TCAF1: variants seen among roughly 807,000 people sequenced by gnomAD.
TCAF1 encodes the protein TRPM8 channel associated factor 1, also known as TRPM8 channel-associated factor 1.
A neutral mutation model predicts 27.3 loss-of-function variants in TCAF1; 4 were observed. The ratio of observed to expected loss-of-function variants is 0.15; its 90% confidence interval spans 0.07 to 0.34. The LOEUF is 0.34. Among genes scored for constraint, TCAF1 ranks in the 10% least tolerant of loss-of-function variants. The pLI, the probability that TCAF1 is intolerant of heterozygous loss-of-function variation, is 1.00. For missense variants in TCAF1, 257 were observed against 425.8 expected (o/e 0.60, Z 3.49); for synonymous variants, 105 against 167.1 (o/e 0.63, Z 2.87).
Position 143,876,045 on chromosome 7 carries a change from C to G in TCAF1, c.564G>C (p.Gly188=), listed in dbSNP as rs1393343580. The G allele has an allele frequency of 6.3e-7, 1 of 1,599,268 alleles. No homozygotes were observed. The highest frequency in any genetic ancestry group is 8.5e-7 in the Non-Finnish European group (1 of 1,171,970). ...VAGIYFTDNK[G]DTSFFKVSKK... Reference sequence around the variant, plus strand: ...TGGAGACTTTAAAGAAACTCGTGTCCCCTTTGTTGTCAGTAAAGTAAATGC... The same window carrying G: ...TGGAGACTTTAAAGAAACTCGTGTCGCCTTTGTTGTCAGTAAAGTAAATGC... The change falls in exon 2 of 9, where the codon GGG becomes GGC. Residue 188 remains glycine, a synonymous_variant. Coordinates refer to ENST00000479870, the MANE Select transcript of TCAF1 (RefSeq NM_014719.3).
intron 1 of TCAF1, among the ~76,000 whole-genome samples, chr7:143,879,035 C>T (rs1812871256): frequency 6.6e-6 from 1 of 152,194 alleles, no homozygotes; most frequent in Non-Finnish European, 1.5e-5. Flanking sequence ...GAGCTGGCTG[C>T]TCCCTGGCTT....
intron 1 of TCAF1, among the ~76,000 whole-genome samples, chr7:143,901,335 C>T (rs1814101224): frequency 6.6e-6 from 1 of 152,146 alleles, no homozygotes; most frequent in Non-Finnish European, 1.5e-5. Context: ...CATGATTATC[C>T]AATTGGCAAA....
chr7:143,876,857 G>GTT lies in TCAF1; in HGVS notation c.-14-236_-14-235insAA, dbSNP rs572485738. Reference sequence around the variant, plus strand: ...GAGAGCTTGATACTTTTCCATCACAGAAGGAAACAAACAGAATGAAAGAAT... The same window carrying GTT: ...GAGAGCTTGATACTTTTCCATCACAGTTAAGGAAACAAACAGAATGAAAGAAT... On this transcript the variant is annotated intron_variant, in intron 1 of 8. Transcript: ENST00000479870. 1.6e-4 allele frequency among the ~76,000 whole-genome samples: 25 copies of GTT among 152,230 alleles called. No individual in the cohort carries two copies. In the East Asian group the frequency reaches 4.8e-3, roughly 29 times the overall value.
rs2116654332 is a variant in TCAF1, at chr7:143,851,685, C to G, written c.*2448G>C. ...ACTATCGCCACTTTCCTTTGTCCAT[C>G]TCTCTCCAAATGTCTGATAGTTACA... On this transcript the variant is annotated 3_prime_UTR_variant, in exon 9 of 9. Transcript: ENST00000479870. The G allele has an allele frequency of 6.6e-6, 1 of 152,216 alleles. No individual in the cohort carries two copies. Among genetic ancestry groups the G allele is most frequent in the South Asian group, 2.1e-4 (1 of 4,820 alleles). The allele number at this position is 152,216 out of a possible 1,614,324, so 9.4% of individuals were successfully genotyped here.
chr7:143,898,871 G>A (rs1018409552), intron 1 of TCAF1, among the ~76,000 whole-genome samples: 8 of 152,178 alleles, frequency 5.3e-5, no homozygotes, highest in African/African-American at 1.7e-4. Context: ...TGACAGCAGA[G>A]TGAATGAATT....
At chr7:143,867,310 AT>A (rs1462548976) in intron 2 of TCAF1, among the ~76,000 whole-genome samples, 1 of 123,284 alleles carries the variant, frequency 8.1e-6, no homozygotes, top group African/African-American at 3.0e-5. Context: ...TCTACAAAAA[AT>A]TTTAAAAATG....
intron 6 of TCAF1, among the ~76,000 whole-genome samples, chr7:143,859,938 AT>A (rs1811838489): frequency 1.2e-5 from 1 of 84,972 alleles, no homozygotes; most frequent in African/African-American, 4.4e-5. Context: ...TATAATATAT[AT>A]TATATAATAT....
In TCAF1 at chr7:143,854,153, AG is replaced by A. The variant is rs1409256275; in HGVS notation, c.2757-12del. Reference sequence around the variant, plus strand: ...CAATTTCAGTGGGGCCTGGGGAGGGAGGGAAGGTAAACTTATGTTTACTCCA... The same window carrying A: ...CAATTTCAGTGGGGCCTGGGGAGGGAGGAAGGTAAACTTATGTTTACTCCA... On this transcript the variant is annotated splice_polypyrimidine_tract_variant and intron_variant, in intron 8 of 8. Transcript: ENST00000479870. 2.0e-5 allele frequency: 6 copies of A among 297,486 alleles called. No homozygotes were observed. Among genetic ancestry groups the A allele is most frequent in the Non-Finnish European group, 3.4e-5 (6 of 176,220 alleles). 18.4% of individuals were successfully genotyped at this position (297,486 alleles called of 1,614,324 possible).
At chr7:143,860,027 TTATA>T (rs1173848286) in intron 6 of TCAF1, among the ~76,000 whole-genome samples, 177 bp downstream of exon 6, 21 of 24,358 alleles carry the variant, frequency 8.6e-4, no homozygotes, top group South Asian at 2.7e-3. Flanking sequence ...ATATTATATA[TTATA>T]TATATAATAT....
intron 1 of TCAF1, chr7:143,882,426 G>C (rs1183766185): frequency 2.0e-6 from 2 of 985,276 alleles, no homozygotes; most frequent in East Asian, 1.1e-4. Context: ...CAGGCCCTCA[G>C]GTAACTCAAC....
At chr7:143,884,948 C>T (rs951301597) in intron 1 of TCAF1, 162 of 962,582 alleles carry the variant, frequency 1.7e-4, no homozygotes, top group Non-Finnish European at 2.0e-4. Flanking sequence ...GAAATAGAAA[C>T]AGCAATGGAG....
intron 1 of TCAF1, chr7:143,886,594 A>T (rs978029199): frequency 5.8e-5 from 54 of 926,374 alleles, no homozygotes; most frequent in Middle Eastern, 1.1e-3. Context: ...CCTCAAAAAA[A>T]CAAACAGCAG....
In TCAF1 at chr7:143,893,761, ATTAC is replaced by A. The variant is rs59479528; in HGVS notation, c.-15+8196_-15+8199del. 9.1e-3 allele frequency among the ~76,000 whole-genome samples: 1,378 copies of A among 152,004 alleles called. 25 individuals are homozygous for A. The highest frequency in any genetic ancestry group is 0.031 in the African/African-American group (1,290 of 41,526). ...AAATTTGCAGGAGGCAGCAAAAGCA[ATTAC>A]TTAATAAAGGAATTACTTAATAAAG... On this transcript the variant is annotated intron_variant, in intron 1 of 8. Coordinates refer to ENST00000479870, the MANE Select transcript of TCAF1 (RefSeq NM_014719.3).
intron 1 of TCAF1, chr7:143,882,776 G>GC: frequency 1.0e-6 from 1 of 985,846 alleles, no homozygotes; most frequent in Non-Finnish European, 1.2e-6. Flanking sequence ...GTGGGAGCGG[G>GC]CAGAGCCTGG....
intron 1 of TCAF1, among the ~76,000 whole-genome samples, chr7:143,897,757 C>G (rs1008830992): frequency 6.6e-6 from 1 of 152,036 alleles, no homozygotes; most frequent in Non-Finnish European, 1.5e-5. Context: ...AAAATACACT[C>G]CAAACACAGA....
intron 1 of TCAF1, among the ~76,000 whole-genome samples, chr7:143,889,759 C>T (rs1262934574): frequency 6.6e-6 from 1 of 152,188 alleles, no homozygotes; most frequent in Non-Finnish European, 1.5e-5. Context: ...ATAACATTTG[C>T]TTATTACTGT....
intron 1 of TCAF1, among the ~76,000 whole-genome samples, chr7:143,877,144 A>G (rs1812762316): frequency 6.6e-6 from 1 of 152,206 alleles, no homozygotes; most frequent in African/African-American, 2.4e-5. Flanking sequence ...ACCAGGAGCT[A>G]AGTGAGAGGC....
intron 1 of TCAF1, among the ~76,000 whole-genome samples, chr7:143,894,713 T>C (rs751328676): frequency 6.6e-6 from 1 of 151,628 alleles, no homozygotes; most frequent in Non-Finnish European, 1.5e-5. Context: ...CAATAAAAAT[T>C]AGATATTATA....
At chr7:143,890,588 C>T (rs1813597263) in intron 1 of TCAF1, among the ~76,000 whole-genome samples, 1 of 152,128 alleles carries the variant, frequency 6.6e-6, no homozygotes. Flanking sequence ...ATAAACAGGA[C>T]AAAAGGACTA....
Sources: allele counts gnomAD v4.1 joint callset (sites outside exome capture counted in the v4.1 genomes callset), GRCh38; gene constraint gnomAD v4.1.1; transcripts MANE v1.5; gene names NCBI Gene and HGNC (gene_info 2026-07-23, HGNC 2026-07-21).